CYP19A1: variants seen among roughly 807,000 people sequenced by gnomAD.
The protein encoded by CYP19A1 is aromatase.
Under a neutral mutation model 44.4 loss-of-function variants are expected in CYP19A1, and 32 were observed. That is an observed-to-expected ratio of 0.72 (90% CI 0.54 to 0.97). The LOEUF is 0.97. Among genes scored for constraint, CYP19A1 ranks in the 50% least tolerant of loss-of-function variants. The pLI is 0.00. For synonymous variants in CYP19A1, 212 were observed against 215.6 expected (o/e 0.98, Z 0.14); for missense variants, 598 against 637.8 (o/e 0.94, Z 0.67).
At chr15:51,281,984 T>C (rs2035534745) in intron 1 of CYP19A1, among the ~76,000 whole-genome samples, 1 of 151,966 alleles carries the variant, frequency 6.6e-6, no homozygotes, top group South Asian at 2.1e-4. Context: ...GCAAGAAAAA[T>C]AATAATGAGA....
intron 6 of CYP19A1, among the ~76,000 whole-genome samples, chr15:51,216,433 A>T (rs2031585415): frequency 6.6e-6 from 1 of 152,088 alleles, no homozygotes; most frequent in African/African-American, 2.4e-5. Context: ...TTGTATTTTT[A>T]GTAAAGACAG....
intron 1 of CYP19A1, among the ~76,000 whole-genome samples, chr15:51,308,035 G>A (rs73405482): frequency 5.3e-5 from 8 of 152,340 alleles, no homozygotes; most frequent in Admixed American, 3.9e-4. Flanking sequence ...TATTAAATGA[G>A]AAAGAGGGCA....
At position 51,332,442 on chromosome 15, in the gene CYP19A1, C is replaced by A. The variant is rs28757077; in HGVS notation, c.-39+6053G>T. ...TTGTTCCAGGCTATTGTTAACATTT[C>A]CCTTGAAATATGTCTCTTCTATTTT... On this transcript the variant is annotated intron_variant, in intron 1 of 9. Coordinates refer to ENST00000396402, the MANE Select transcript of CYP19A1 (RefSeq NM_000103.4). Among the ~76,000 whole-genome samples, 1,304 of 152,250 alleles carry A rather than the reference C, an allele frequency of 8.6e-3. 19 individuals carry two copies. The highest frequency in any genetic ancestry group is 0.03 in the African/African-American group (1,256 of 41,544).
rs75106900 is a variant in CYP19A1, at chr15:51,315,196, TC to T, written c.-39+23298del. On this transcript the variant is annotated intron_variant, in intron 1 of 9. Transcript: ENST00000396402. ...CCTTGCTGGTTGTGTTTCTCAACAC[TC>T]CCCACCTTCACCACCACCGTCACCC... Among the ~76,000 whole-genome samples, 2,390 of 152,144 alleles carry T rather than the reference TC, an allele frequency of 0.016. 175 individuals carry two copies. In the East Asian group the frequency reaches 0.24, roughly 15 times the overall value.
intron 1 of CYP19A1, among the ~76,000 whole-genome samples, chr15:51,321,389 A>C (rs894149630): frequency 8.6e-5 from 13 of 151,772 alleles, no homozygotes; most frequent in African/African-American, 3.1e-4. Flanking sequence ...CCTCTGCCAC[A>C]ATCCAATTTC....
intron 1 of CYP19A1, among the ~76,000 whole-genome samples, chr15:51,278,508 G>T (rs541599253): frequency 4.6e-5 from 7 of 152,332 alleles, no homozygotes; most frequent in African/African-American, 1.4e-4. Flanking sequence ...AAACTTGAAT[G>T]CAGGGTGGAG....
At chr15:51,275,764 C>G (rs2035285351) in intron 1 of CYP19A1, among the ~76,000 whole-genome samples, 1 of 152,130 alleles carries the variant, frequency 6.6e-6, no homozygotes, top group South Asian at 2.1e-4. Flanking sequence ...TTCAAAAATT[C>G]TGCTGAAAGG....
intron 1 of CYP19A1, among the ~76,000 whole-genome samples, chr15:51,332,771 T>G (rs1223558838): frequency 6.6e-6 from 1 of 152,192 alleles, no homozygotes; most frequent in Non-Finnish European, 1.5e-5. Flanking sequence ...CTCAGTAATC[T>G]TCACACGATT....
chr15:51,329,504 G>A (rs565975630), intron 1 of CYP19A1, among the ~76,000 whole-genome samples: 3 of 152,322 alleles, frequency 2.0e-5, no homozygotes, highest in African/African-American at 7.2e-5. Context: ...ATAATGGGAA[G>A]GCCAGCAAGG....
intron 1 of CYP19A1, chr15:51,293,939 T>C: frequency 1.4e-5 from 3 of 215,146 alleles, no homozygotes; most frequent in Non-Finnish European, 2.7e-5. Context: ...TGCCTTGGCC[T>C]CCCAATGTGC....
At chr15:51,294,581 TGGG>T (rs559000531) in intron 1 of CYP19A1, among the ~76,000 whole-genome samples, 1 of 136,526 alleles carries the variant, frequency 7.3e-6, no homozygotes, top group Non-Finnish European at 1.5e-5. Context: ...GGGAGGGAGG[TGGG>T]GGGATCAGCC....
chr15:51,246,196 GGA>G, intron 1 of CYP19A1, among the ~76,000 whole-genome samples: 1 of 152,024 alleles, frequency 6.6e-6, no homozygotes, highest in South Asian at 2.1e-4. Context: ...CAGGAATATA[GGA>G]AGGTCCTAGA....
chr15:51,283,466 G>C (rs2035596356), intron 1 of CYP19A1, among the ~76,000 whole-genome samples: 1 of 152,220 alleles, frequency 6.6e-6, no homozygotes, highest in South Asian at 2.1e-4. Flanking sequence ...AGGAGGGAAG[G>C]AATTCAAGCA....
rs1262023316 is a variant in CYP19A1 at position 51,291,601 on chromosome 15, G to A, written c.-39+46894C>T. The stretch of plus-strand genomic sequence containing the variant: ...TCTTGATAATTTCTCTAAAGAAGCC[G>A]CAGCAAGACCAACGTAGAGAGGGAA... On this transcript the variant is annotated intron_variant, in intron 1 of 9. Transcript: ENST00000396402. Among the ~76,000 whole-genome samples, 9 of 152,132 alleles carry A rather than the reference G, an allele frequency of 5.9e-5. No individual in the cohort carries two copies. In the East Asian group the frequency reaches 9.6e-4, roughly 16 times the overall value.
chr15:51,260,167 G>T (rs965327616), intron 1 of CYP19A1, among the ~76,000 whole-genome samples: 1 of 152,176 alleles, frequency 6.6e-6, no homozygotes, highest in East Asian at 1.9e-4. Flanking sequence ...GAAACTAGAT[G>T]GTGGCATGCT....
Position 51,236,924 on chromosome 15 carries a change from G to A in CYP19A1, c.231C>T (p.Tyr77=), listed in dbSNP as rs1195363692. 6.2e-7 allele frequency: 1 copy of A among 1,614,210 alleles called. No individual in the cohort carries two copies. The highest frequency in any genetic ancestry group is 8.5e-7 in the Non-Finnish European group (1 of 1,180,030). Reference sequence around the variant, plus strand: ...GCATGAATTCTCCATATACCCGGTTGTAGTAGTTGCAGGCACTGCCGATCC... The same window carrying A: ...GCATGAATTCTCCATATACCCGGTTATAGTAGTTGCAGGCACTGCCGATCC... The part of the protein sequence containing the change: ...WMGIGSACNY[Y]NRVYGEFMRV... The change falls in exon 3 of 10, where the codon TAC becomes TAT. Residue 77 remains tyrosine (Y), a synonymous_variant. Transcript: ENST00000396402.
At chr15:51,215,973 C>A in intron 6 of CYP19A1, 156 bp from the exon 7 acceptor site, 4 of 1,386,688 alleles carry the variant, frequency 2.9e-6, no homozygotes, top group South Asian at 1.4e-5. Flanking sequence ...TTCATAAATA[C>A]CCTTAAATTA....
At chr15:51,270,912 C>G (rs560992502) in intron 1 of CYP19A1, among the ~76,000 whole-genome samples, 24 of 152,294 alleles carry the variant, frequency 1.6e-4, no homozygotes, top group Non-Finnish European at 2.8e-4. Context: ...TGACTAGGCT[C>G]TGGGATTCCA....
chr15:51,327,753 C>T (rs2036634862), intron 1 of CYP19A1, among the ~76,000 whole-genome samples: 1 of 152,084 alleles, frequency 6.6e-6, no homozygotes, highest in African/African-American at 2.4e-5. Flanking sequence ...GACTCCGTCT[C>T]AGAAAAAACA....
Sources: allele counts gnomAD v4.1 joint callset (sites outside exome capture counted in the v4.1 genomes callset), GRCh38; gene constraint gnomAD v4.1.1; transcripts MANE v1.5; gene names NCBI Gene and HGNC (gene_info 2026-07-23, HGNC 2026-07-21).